The following CDH2 variants were observed in gnomAD, a reference collection of about 807,000 sequenced individuals.
The protein encoded by CDH2 is cadherin-2.
A neutral mutation model predicts 92.0 loss-of-function variants in CDH2; 17 were observed. That is an observed-to-expected ratio of 0.18 (90% CI 0.13 to 0.28). The LOEUF (loss-of-function observed/expected upper bound fraction) is 0.28, where lower values mean the gene tolerates loss of function less well. Ranked by LOEUF, CDH2 falls within the 10% of genes least tolerant of loss-of-function variation. The pLI, the probability that CDH2 is intolerant of heterozygous loss-of-function variation, is 1.00. For synonymous variants in CDH2, 419 were observed against 415.9 expected (o/e 1.01, Z -0.09); for missense variants, 862 against 1,133.1 (o/e 0.76, Z 3.44).
At chr18:28,043,469 T>TATATATATATATATATATATATAA (rs2013995719) in intron 2 of CDH2, among the ~76,000 whole-genome samples, 2 of 66,080 alleles carry the variant, frequency 3.0e-5, no homozygotes, top group Non-Finnish European at 6.0e-5. Context: ...TAAATATATA[T>TATATATATATATATATATATATAA]ATATATATAT....
At chr18:28,150,223 G>C (rs1283438946) in intron 1 of CDH2, among the ~76,000 whole-genome samples, 1 of 152,210 alleles carries the variant, frequency 6.6e-6, no homozygotes, top group Non-Finnish European at 1.5e-5. Flanking sequence ...TGACAGGTCA[G>C]GCCGGAGCCC....
chr18:27,980,268 G>C (rs764243256), intron 14 of CDH2, among the ~76,000 whole-genome samples: 10 of 152,294 alleles, frequency 6.6e-5, no homozygotes, highest in African/African-American at 2.4e-4. Flanking sequence ...CCTTTACCTA[G>C]TGTATGAGGG....
intron 7 of CDH2, among the ~76,000 whole-genome samples, chr18:27,995,872 A>G (rs936242547): frequency 3.9e-5 from 6 of 152,222 alleles, no homozygotes; most frequent in African/African-American, 1.4e-4. Flanking sequence ...CAGATTGCTA[A>G]AACATTCTTA....
chr18:28,010,681 G>GC (rs2013071096), intron 4 of CDH2, among the ~76,000 whole-genome samples: 1 of 139,270 alleles, frequency 7.2e-6, no homozygotes, highest in South Asian at 2.3e-4. Context: ...TTTTTTTTTT[G>GC]CGGGGGGGGA....
chr18:28,004,941 T>C (rs2012872683), intron 6 of CDH2, among the ~76,000 whole-genome samples: 1 of 152,198 alleles, frequency 6.6e-6, no homozygotes, highest in South Asian at 2.1e-4. Flanking sequence ...AACTGACTTA[T>C]GCATAAGGGA....
intron 2 of CDH2, among the ~76,000 whole-genome samples, chr18:28,099,978 AGTTT>A (rs2015200508): frequency 1.3e-5 from 2 of 152,266 alleles, no homozygotes; most frequent in African/African-American, 2.4e-5. Flanking sequence ...TGAAAACTTA[AGTTT>A]GTTTAATTTC....
chr18:28,081,158 C>A (rs754793916), intron 2 of CDH2, among the ~76,000 whole-genome samples: 1 of 152,178 alleles, frequency 6.6e-6, no homozygotes, highest in South Asian at 2.1e-4. Flanking sequence ...CAAGATCCAG[C>A]CCAAGATGTG....
chr18:28,029,235 T>C (rs978719871), intron 2 of CDH2, among the ~76,000 whole-genome samples: 3 of 152,076 alleles, frequency 2.0e-5, no homozygotes, highest in Admixed American at 2.0e-4. Flanking sequence ...AAGTAGTATA[T>C]GGCACATAAT....
intron 6 of CDH2, among the ~76,000 whole-genome samples, chr18:28,004,596 G>GAA (rs2012860963): frequency 6.6e-6 from 1 of 151,966 alleles, no homozygotes; most frequent in Non-Finnish European, 1.5e-5. Context: ...TTCTTGTAAA[G>GAA]TTGGAAATAA....
intron 2 of CDH2, among the ~76,000 whole-genome samples, chr18:28,046,437 T>C (rs2014078074): frequency 6.6e-6 from 1 of 152,160 alleles, no homozygotes; most frequent in Non-Finnish European, 1.5e-5. Flanking sequence ...TGAGAATAAA[T>C]GCAAAGATGT....
At chr18:28,046,044 T>C (rs1032445536) in intron 2 of CDH2, among the ~76,000 whole-genome samples, 4 of 152,320 alleles carry the variant, frequency 2.6e-5, no homozygotes, top group South Asian at 4.1e-4. Flanking sequence ...ATGCCTTATT[T>C]AAGGTAGTCA....
At chr18:28,120,689 A>C (rs2015572999) in intron 2 of CDH2, among the ~76,000 whole-genome samples, 1 of 152,110 alleles carries the variant, frequency 6.6e-6, no homozygotes, top group Admixed American at 6.6e-5. Flanking sequence ...TGCCCAAGTC[A>C]GAGAGAAAAC....
Position 27,945,323 on chromosome 18 carries a change from ATTTTTTTTT to A in CDH2, c.1152-12208_1152-12200del, listed in dbSNP as rs66537834. Reference sequence around the variant, plus strand: ...CAACTGATACTTTCCAGGAAGGAAGATTTTTTTTTTTTTTTTTTTTTTTTTTTGCTGTTT... The same window carrying A: ...CAACTGATACTTTCCAGGAAGGAAGATTTTTTTTTTTTTTTTTTGCTGTTT... On this transcript the variant is annotated intron_variant, in intron 6 of 6. Coordinates refer to the CDH2 transcript ENST00000675173. Among the ~76,000 whole-genome samples, 134 of 66,466 alleles carry A rather than the reference ATTTTTTTTT, an allele frequency of 2.0e-3. 3 individuals carry two copies. The highest frequency in any genetic ancestry group is 7.0e-3 in the African/African-American group (119 of 16,972). The allele number at this position is 66,466 out of a possible 152,430, so 43.6% of individuals were successfully genotyped here. A position where few individuals can be genotyped will look rare whatever the true frequency, so the allele number is the denominator to read the frequency against.
chr18:28,037,424 T>A (rs1198732454), intron 2 of CDH2, among the ~76,000 whole-genome samples: 2 of 152,162 alleles, frequency 1.3e-5, no homozygotes, highest in Non-Finnish European at 2.9e-5. Context: ...ATCCCCCTTT[T>A]AACAATCAAC....
intron 6 of CDH2, among the ~76,000 whole-genome samples, chr18:27,938,438 T>C (rs1223982639): frequency 6.6e-6 from 1 of 152,202 alleles, no homozygotes; most frequent in African/African-American, 2.4e-5. Context: ...CATACACTTG[T>C]ATCATTGTGA....
intron 2 of CDH2, among the ~76,000 whole-genome samples, chr18:28,128,108 CT>C: frequency 6.6e-6 from 1 of 152,224 alleles, no homozygotes; most frequent in East Asian, 1.9e-4. Context: ...TAGTATACCA[CT>C]AACAACAAAA....
intron 2 of CDH2, among the ~76,000 whole-genome samples, chr18:28,037,760 G>A: frequency 6.6e-6 from 1 of 152,170 alleles, no homozygotes; most frequent in Non-Finnish European, 1.5e-5. Context: ...GGGAAGTAAT[G>A]TTTTGGGACA....
At chr18:28,130,354 A>C (rs2144291544) in intron 2 of CDH2, among the ~76,000 whole-genome samples, 1 of 152,354 alleles carries the variant, frequency 6.6e-6, no homozygotes, top group Non-Finnish European at 1.5e-5. Flanking sequence ...GCAGACAGCA[A>C]CGCATTATTG....
Position 28,068,874 on chromosome 18 carries a change from A to G in CDH2, c.173-54965T>C, listed in dbSNP as rs538683560. Among the ~76,000 whole-genome samples the G allele has an allele frequency of 2.0e-4, 31 of 152,308 alleles. No individual in the cohort carries two copies. In the South Asian group the frequency reaches 6.2e-3, roughly 31 times the overall value. ...AGCTATTCAATCTTCAATCTATTTA[A>G]TAACATAAAAACCTTAGATTACATA... On this transcript the variant is annotated intron_variant, in intron 2 of 15. Coordinates refer to ENST00000269141, the MANE Select transcript of CDH2 (RefSeq NM_001792.5).
Sources: allele counts gnomAD v4.1 joint callset (sites outside exome capture counted in the v4.1 genomes callset), GRCh38; gene constraint gnomAD v4.1.1; transcripts MANE v1.5; gene names NCBI Gene and HGNC (gene_info 2026-07-23, HGNC 2026-07-21).